Variants in PEX7 observed in about 807,000 individuals in gnomAD.
PEX7 encodes the protein peroxisomal biogenesis factor 7, also known as PTS2 receptor.
A neutral mutation model predicts 47.5 loss-of-function variants in PEX7; 34 were observed. The observed-to-expected ratio is 0.72, with a 90% confidence interval of 0.54 to 0.95. The LOEUF is 0.95. PEX7 is among the 40% of genes least tolerant of loss of function. PEX7 has a pLI of 0.00. For missense variants in PEX7, 394 were observed against 400.3 expected (o/e 0.98, Z 0.13); for synonymous variants, 141 against 148.8 (o/e 0.95, Z 0.38).
At chr6:136,830,154 C>A in intron 3 of PEX7, 1 of 653,106 alleles carries the variant, frequency 1.5e-6, no homozygotes, top group Non-Finnish European at 2.8e-6. Flanking sequence ...TGTTGTGAGA[C>A]CTTGCGTATG....
Position 136,898,253 on chromosome 6 carries a change from A to C in PEX7, c.903+12A>C. On this transcript the variant is annotated intron_variant, in intron 9 of 9. Coordinates refer to ENST00000318471, the MANE Select transcript of PEX7 (RefSeq NM_000288.4). ...AGAGCCCCACTCAGGTAACGGATAC[A>C]ATCTCATGATATTCTCTTCTGCCCA... 3 of 1,462,078 alleles carry C rather than the reference A, an allele frequency of 2.1e-6. No homozygotes were observed. The East Asian group carries it at 6.8e-5, about 33-fold the overall frequency. The allele number at this position is 1,462,078 out of a possible 1,614,324, so 90.6% of individuals were successfully genotyped here.
Position 136,841,805 on chromosome 6 carries a change from C to T in PEX7, c.340-3810C>T, listed in dbSNP as rs911900325. Among the ~76,000 whole-genome samples, 22 of 151,540 alleles carry T rather than the reference C, an allele frequency of 1.5e-4. No individual in the cohort carries two copies. The East Asian group carries it at 2.3e-3, about 16-fold the overall frequency. On this transcript the variant is annotated intron_variant, in intron 3 of 9. Coordinates refer to ENST00000318471, the MANE Select transcript of PEX7 (RefSeq NM_000288.4). ...CTCGCCATATTTTCCAGGCTGGTCT[C>T]GAACTCGTGGCCTCAAGCGGTCCTC...
intron 3 of PEX7, among the ~76,000 whole-genome samples, chr6:136,844,220 T>C (rs562968106): frequency 3.3e-5 from 5 of 152,078 alleles, no homozygotes; most frequent in East Asian, 1.9e-4. Flanking sequence ...AGAAAAAAAT[T>C]AGCTGGGTGT....
At chr6:136,849,150 T>C (rs1774689321) in intron 5 of PEX7, among the ~76,000 whole-genome samples, 1 of 152,226 alleles carries the variant, frequency 6.6e-6, no homozygotes, top group Non-Finnish European at 1.5e-5. Flanking sequence ...GAGGTGTTTA[T>C]AGTATTCTCT....
intron 8 of PEX7, among the ~76,000 whole-genome samples, chr6:136,883,588 A>G (rs938958669): frequency 6.6e-6 from 1 of 152,042 alleles, no homozygotes; most frequent in Non-Finnish European, 1.5e-5. Flanking sequence ...TCTTCCCCTT[A>G]AACTTGGTCG....
chr6:136,822,798 G>A lies in PEX7; in HGVS notation c.130+3G>A. 5 of 1,304,244 alleles carry A rather than the reference G, an allele frequency of 3.8e-6. No homozygotes were observed. Among genetic ancestry groups the A allele is most frequent in the Non-Finnish European group, 4.8e-6 (5 of 1,032,240 alleles). The allele number at this position is 1,304,244 out of a possible 1,614,324, so 80.8% of individuals were successfully genotyped here. On this transcript the variant is annotated splice_donor_region_variant and intron_variant, in intron 1 of 9. Coordinates refer to ENST00000318471, the MANE Select transcript of PEX7 (RefSeq NM_000288.4). ...CGCGCAGCACTACGGCATCGCGGGT[G>A]AGGCGGCGCCGCGCAGCTGGGGCCG... is the stretch of plus-strand genomic sequence containing the variant.
chr6:136,836,547 C>G (rs1033213725), intron 3 of PEX7, among the ~76,000 whole-genome samples: 1 of 152,122 alleles, frequency 6.6e-6, no homozygotes, highest in Non-Finnish European at 1.5e-5. Context: ...GCACATTAAT[C>G]TAAAGATCTA....
chr6:136,895,247 G>A (rs1775629010), intron 8 of PEX7, among the ~76,000 whole-genome samples: 1 of 152,002 alleles, frequency 6.6e-6, no homozygotes, highest in African/African-American at 2.4e-5. Context: ...AGAAATACAT[G>A]TATTTCTTTT....
chr6:136,831,326 T>G (rs1483911777), intron 3 of PEX7, among the ~76,000 whole-genome samples: 2 of 152,154 alleles, frequency 1.3e-5, no homozygotes, highest in Non-Finnish European at 2.9e-5. Flanking sequence ...GAGAACTCCC[T>G]CACTATCACA....
At chr6:136,879,181 T>G (rs1471750867) in intron 8 of PEX7, among the ~76,000 whole-genome samples, 1 of 152,118 alleles carries the variant, frequency 6.6e-6, no homozygotes, top group African/African-American at 2.4e-5. Flanking sequence ...AGTTTCTACC[T>G]TTGTTTTAGT....
intron 8 of PEX7, among the ~76,000 whole-genome samples, chr6:136,872,616 G>C (rs113451016): frequency 1.2e-3 from 176 of 152,194 alleles, no homozygotes; most frequent in African/African-American, 3.4e-3. Context: ...GAGTCGTAAG[G>C]CTAAGATTGC....
chr6:136,842,424 A>G (rs1001178537), intron 3 of PEX7, among the ~76,000 whole-genome samples: 3 of 152,230 alleles, frequency 2.0e-5, no homozygotes, highest in Non-Finnish European at 2.9e-5. Flanking sequence ...CAATGCCATC[A>G]GCATGGTTTT....
intron 8 of PEX7, among the ~76,000 whole-genome samples, chr6:136,893,199 T>A (rs1562755105): frequency 6.6e-6 from 1 of 152,308 alleles, no homozygotes; most frequent in East Asian, 1.9e-4. Context: ...TGGCTTTTTT[T>A]TTCTTTTTTT....
At chr6:136,884,958 A>G (rs1286233121) in intron 8 of PEX7, among the ~76,000 whole-genome samples, 2 of 152,174 alleles carry the variant, frequency 1.3e-5, no homozygotes, top group African/African-American at 4.8e-5. Context: ...ATTTTAGCAT[A>G]TTATCTTTTT....
chr6:136,830,124 TC>T, intron 3 of PEX7: 1 of 681,010 alleles, frequency 1.5e-6, no homozygotes. Context: ...TGGATTTGAA[TC>T]CCAGCTTTGT....
At chr6:136,847,369 T>C (rs1234977654) in intron 5 of PEX7, among the ~76,000 whole-genome samples, 1 of 151,830 alleles carries the variant, frequency 6.6e-6, no homozygotes, top group Non-Finnish European at 1.5e-5. Context: ...TTTGTCAATT[T>C]TGGCTTTTGT....
intron 3 of PEX7, among the ~76,000 whole-genome samples, chr6:136,827,412 A>G (rs1382021882): frequency 6.6e-6 from 1 of 152,200 alleles, no homozygotes; most frequent in Non-Finnish European, 1.5e-5. Flanking sequence ...ATTTTGGTAA[A>G]GGAGAAATTT....
At chr6:136,832,971 C>T (rs549954398) in intron 3 of PEX7, among the ~76,000 whole-genome samples, 3 of 152,218 alleles carry the variant, frequency 2.0e-5, no homozygotes, top group Non-Finnish European at 4.4e-5. Flanking sequence ...TCTGAGCCCT[C>T]ACACTGTTCC....
rs886061119 is a variant in PEX7 at position 136,822,806 on chromosome 6, G to T, written c.130+11G>T. On this transcript the variant is annotated intron_variant, in intron 1 of 9. Transcript: ENST00000318471. ...ACTACGGCATCGCGGGTGAGGCGGC[G>T]CCGCGCAGCTGGGGCCGGGGGGCGG... 12 of 1,286,290 alleles carry T rather than the reference G, an allele frequency of 9.3e-6. No homozygotes were observed. Among genetic ancestry groups the T allele is most frequent in the Admixed American group, 4.3e-5 (1 of 23,494 alleles). The allele number at this position is 1,286,290 out of a possible 1,614,324, so 79.7% of individuals were successfully genotyped here.
Sources: gnomAD v4.1 joint callset for allele counts (sites outside exome capture counted in the v4.1 genomes callset) on GRCh38, gnomAD v4.1.1 for gene constraint, MANE v1.5 for transcripts, NCBI Gene and HGNC (gene_info 2026-07-23, HGNC 2026-07-21) for gene names.